SLC12A3: variants seen among roughly 807,000 people sequenced by gnomAD.
SLC12A3 encodes solute carrier family 12 member 3, also known as Na-Cl cotransporter.
SLC12A3 carries 104 observed loss-of-function variants against 121.0 expected under a neutral mutation model. The observed-to-expected ratio is 0.86, with a 90% confidence interval of 0.73 to 1.01. SLC12A3 has a LOEUF of 1.01. SLC12A3 is among the 50% of genes least tolerant of loss of function. SLC12A3 has a pLI of 0.00. For missense variants in SLC12A3, 1,328 were observed against 1,356.3 expected (o/e 0.98, Z 0.33); for synonymous variants, 536 against 533.4 (o/e 1.00, Z -0.07).
intron 25 of SLC12A3, among the ~76,000 whole-genome samples, chr16:56,906,058 C>T (rs933367015): frequency 3.3e-5 from 5 of 150,410 alleles, no homozygotes; most frequent in Admixed American, 6.6e-5. Flanking sequence ...TCTGGTGATA[C>T]AACCCATTCC....
At chr16:56,866,123 T>C (rs1353109572) in intron 1 of SLC12A3, among the ~76,000 whole-genome samples, 6 of 151,816 alleles carry the variant, frequency 4.0e-5, no homozygotes, top group Admixed American at 3.9e-4. Flanking sequence ...GTAGCTGGGA[T>C]TACAGGAGCG....
chr16:56,868,674 G>A (rs1274489169), intron 3 of SLC12A3, among the ~76,000 whole-genome samples: 1 of 152,216 alleles, frequency 6.6e-6, no homozygotes, highest in African/African-American at 2.4e-5. Context: ...TTAGAAAGCT[G>A]CACTCTGGCC....
chr16:56,870,569 CT>C, intron 5 of SLC12A3, 56 bp from the exon 6 acceptor site: 1 of 1,189,252 alleles, frequency 8.4e-7, no homozygotes, highest in Non-Finnish European at 1.3e-6. Context: ...TGGGCAGAGT[CT>C]GGGGGATGGG....
At chr16:56,887,705 A>G (rs1465907506) in intron 17 of SLC12A3, among the ~76,000 whole-genome samples, 1 of 146,556 alleles carries the variant, frequency 6.8e-6, no homozygotes, top group Non-Finnish European at 1.5e-5. Flanking sequence ...GAATTCAGAT[A>G]TTTCCTCCCA....
intron 11 of SLC12A3, 52 bp from the exon 12 acceptor site, chr16:56,880,078 G>C: frequency 6.3e-7 from 1 of 1,595,128 alleles, no homozygotes; most frequent in Non-Finnish European, 8.5e-7. Flanking sequence ...CCCCAGGGGA[G>C]GGGAAGTGGC....
intron 16 of SLC12A3, 103 bp from the exon 17 acceptor site, chr16:56,886,850 T>G (rs968870932): frequency 2.9e-5 from 43 of 1,504,358 alleles, no homozygotes; most frequent in Non-Finnish European, 3.8e-5. Flanking sequence ...GCACCGTGGG[T>G]GCTGCCAAGC....
In SLC12A3 at chr16:56,882,410, A is replaced by G. The variant is rs768565437; in HGVS notation, c.1582A>G (p.Ile528Val). 1.8e-5 allele frequency: 29 copies of G among 1,613,888 alleles called. No individual in the cohort carries two copies. Among genetic ancestry groups the G allele is most frequent in the Non-Finnish European group, 2.4e-5 (28 of 1,179,908 alleles). Residue 528 changes from isoleucine (I) to valine (V), a missense_variant, in exon 13 of 26, where the codon ATA (isoleucine) becomes GTA (valine). Physicochemically the swap from Ile to Val is conservative, Grantham distance 29. Coordinates refer to ENST00000563236, the MANE Select transcript of SLC12A3 (RefSeq NM_001126108.2). ...AFIIIAELNTIAPIISNFFLC... is the reference protein window; with the variant it reads ...AFIIIAELNTVAPIISNFFLC... ...GGTCCCCGAAGCTGAGCTCAACACC[A>G]TAGCCCCCATCATTTCCAACTTCTT... is the stretch of plus-strand genomic sequence containing the variant.
chr16:56,871,576 C>A (rs1214509898), intron 6 of SLC12A3, among the ~76,000 whole-genome samples: 2 of 152,186 alleles, frequency 1.3e-5, no homozygotes, highest in African/African-American at 4.8e-5. Flanking sequence ...ATGCCCTGAG[C>A]TGAATTCCCT....
chr16:56,880,162 C>T lies in SLC12A3; in HGVS notation c.1476C>T (p.Ile492=), dbSNP rs370625067. 2.1e-5 allele frequency: 33 copies of T among 1,606,062 alleles called. No homozygotes were observed. The highest frequency in any genetic ancestry group is 2.0e-4 in the African/African-American group (15 of 74,884). The part of the protein sequence containing the change: ...CLCEDQLYPL[I]GFFGKGYGKN... ...GCGAGGACCAGCTGTACCCACTGAT[C>T]GGCTTCTTCGGCAAAGGCTATGGCA... The change falls in exon 12 of 26, where the codon ATC becomes ATT. Residue 492 remains isoleucine (I), a synonymous_variant. Coordinates refer to ENST00000563236, the MANE Select transcript of SLC12A3 (RefSeq NM_001126108.2).
At position 56,872,366 on chromosome 16, in the gene SLC12A3, T is replaced by C; in HGVS notation, c.868T>C (p.Phe290Leu). Reference sequence around the variant, plus strand: ...CCCCCTCCAGGCCCAGGTGCTGTTCTTCCTTGTCATCATGGTCTCCTTTGC... The same window carrying C: ...CCCCCTCCAGGCCCAGGTGCTGTTCCTCCTTGTCATCATGGTCTCCTTTGC... ...EWESKAQVLFFLVIMVSFANY... is the reference protein window; with the variant it reads ...EWESKAQVLFLLVIMVSFANY... Residue 290 changes from phenylalanine to leucine, a missense_variant, in exon 7 of 26, where the codon TTC (phenylalanine) becomes CTC (leucine). Coordinates refer to ENST00000563236, the MANE Select transcript of SLC12A3 (RefSeq NM_001126108.2). 1 of 1,613,928 alleles carries C rather than the reference T, an allele frequency of 6.2e-7. No homozygotes were observed. The highest frequency in any genetic ancestry group is 8.5e-7 in the Non-Finnish European group (1 of 1,179,896).
intron 8 of SLC12A3, among the ~76,000 whole-genome samples, chr16:56,876,369 T>G (rs1020329855): frequency 4.5e-4 from 69 of 152,220 alleles, no homozygotes; most frequent in African/African-American, 1.6e-3. Flanking sequence ...AGAGGCAGGG[T>G]GGGAGGCTGG....
At chr16:56,869,385 T>C (rs1964436130) in intron 3 of SLC12A3, among the ~76,000 whole-genome samples, 1 of 152,068 alleles carries the variant, frequency 6.6e-6, no homozygotes. Flanking sequence ...TGGAGTGCAG[T>C]CGCGTGGTCT....
chr16:56,910,418 C>G (rs2055669967), intron 25 of SLC12A3, among the ~76,000 whole-genome samples: 3 of 152,118 alleles, frequency 2.0e-5, no homozygotes, highest in Non-Finnish European at 4.4e-5. Flanking sequence ...TCACTGCAAC[C>G]CCCACCTCCC....
chr16:56,868,267 AG>A, intron 2 of SLC12A3, 29 bp from the exon 3 acceptor site: 2 of 1,610,952 alleles, frequency 1.2e-6, no homozygotes, highest in Non-Finnish European at 1.7e-6. Context: ...GTGTCCACCC[AG>A]GTGGCCTCTG....
chr16:56,890,247 G>A, intron 18 of SLC12A3, 27 bp from the exon 19 acceptor site: 2 of 1,599,190 alleles, frequency 1.3e-6, no homozygotes, highest in Non-Finnish European at 1.7e-6. Flanking sequence ...TGGGGGAGAA[G>A]CTGGACCTCA....
chr16:56,878,650 C>T (rs1362649005), intron 9 of SLC12A3, among the ~76,000 whole-genome samples: 1 of 152,032 alleles, frequency 6.6e-6, no homozygotes, highest in Admixed American at 6.5e-5. Context: ...GGCTTTGAGC[C>T]CAGGTCTGGG....
At chr16:56,876,333 T>C (rs2055163398) in intron 8 of SLC12A3, among the ~76,000 whole-genome samples, 1 of 152,184 alleles carries the variant, frequency 6.6e-6, no homozygotes, top group African/African-American at 2.4e-5. Context: ...TGGATGTGAA[T>C]TTTGGGGGAC....
Position 56,887,056 on chromosome 16 carries a change from C to T in SLC12A3, c.2141C>T (p.Ala714Val), listed in dbSNP as rs369272221. The change falls in exon 17 of 26, where the codon GCC (alanine) becomes GTC (valine). Residue 714 changes from alanine (A) to valine (V), a missense_variant. Transcript: ENST00000563236. Reference sequence around the variant, plus strand: ...AAGGCCTTCTACTCGGATGTCATTGCCGAGGACCTCCGCAGAGGCGTCCAG... The same window carrying T: ...AAGGCCTTCTACTCGGATGTCATTGTCGAGGACCTCCGCAGAGGCGTCCAG... ...KIKAFYSDVIAEDLRRGVQIL... is the reference protein window; with the variant it reads ...KIKAFYSDVIVEDLRRGVQIL... 1.2e-4 allele frequency: 194 copies of T among 1,613,930 alleles called. No homozygotes were observed. Among genetic ancestry groups the T allele is most frequent in the Non-Finnish European group, 1.5e-4 (180 of 1,180,050 alleles).
At chr16:56,902,304 C>G in intron 23 of SLC12A3, 69 bp from the exon 24 acceptor site, 1 of 1,605,650 alleles carries the variant, frequency 6.2e-7, no homozygotes, top group Non-Finnish European at 8.5e-7. Context: ...CAGCTCCCCG[C>G]AGGGACCTGG....
Sources: allele counts gnomAD v4.1 joint callset (sites outside exome capture counted in the v4.1 genomes callset), GRCh38; gene constraint gnomAD v4.1.1; transcripts MANE v1.5; gene names NCBI Gene and HGNC (gene_info 2026-07-23, HGNC 2026-07-21).